UNC5B: variants seen among roughly 807,000 people sequenced by gnomAD.
UNC5B encodes netrin receptor UNC5B.
Under a neutral mutation model 103.7 loss-of-function variants are expected in UNC5B, and 56 were observed. The ratio of observed to expected loss-of-function variants is 0.54; its 90% CI spans 0.44 to 0.67. The LOEUF (loss-of-function observed/expected upper bound fraction) is 0.67, where lower values mean the gene tolerates loss of function less well. UNC5B is among the 30% of genes least tolerant of loss of function. UNC5B has a pLI of 0.00. For synonymous variants in UNC5B, 577 were observed against 542.0 expected (o/e 1.06, Z -0.90); for missense variants, 1,194 against 1,284.5 (o/e 0.93, Z 1.08).
chr10:71,261,372 G>T (rs944649336), intron 1 of UNC5B, among the ~76,000 whole-genome samples: 9 of 152,168 alleles, frequency 5.9e-5, no homozygotes, highest in Non-Finnish European at 1.0e-4. Context: ...TTGGCCAGGT[G>T]GCCGTGCATT....
intron 6 of UNC5B, among the ~76,000 whole-genome samples, 182 bp downstream of exon 6, chr10:71,287,947 G>C (rs1470097276): frequency 6.6e-6 from 1 of 152,184 alleles, no homozygotes; most frequent in Admixed American, 6.5e-5. Flanking sequence ...ATTCTGCCCT[G>C]GGCTGCTGGT....
At chr10:71,227,707 TACAC>T (rs57747777) in intron 1 of UNC5B, among the ~76,000 whole-genome samples, 26,210 of 127,486 alleles carry the variant, frequency 0.21, 2,897 homozygotes, top group Non-Finnish European at 0.27. Flanking sequence ...TACACACATA[TACAC>T]ACACACACAC....
chr10:71,288,416 C>A, intron 6 of UNC5B, 152 bp from the exon 7 acceptor site: 2 of 1,197,394 alleles, frequency 1.7e-6, no homozygotes, highest in Non-Finnish European at 2.3e-6. Context: ...ATGTGGATTT[C>A]TCTGTGTGGC....
At chr10:71,288,859 C>T (rs983770766) in intron 7 of UNC5B, 99 bp from the exon 8 acceptor site, 5 of 1,565,818 alleles carry the variant, frequency 3.2e-6, no homozygotes, top group South Asian at 2.3e-5. Flanking sequence ...TCTGTCCCCC[C>T]ACCACATCCA....
At chr10:71,268,280 CA>C (rs1441876727) in intron 1 of UNC5B, among the ~76,000 whole-genome samples, 2 of 152,276 alleles carry the variant, frequency 1.3e-5, no homozygotes, top group Non-Finnish European at 2.9e-5. Context: ...CTCTCCTTCT[CA>C]TGCCCATTTC....
chr10:71,285,322 C>A lies in UNC5B; in HGVS notation c.449-4C>A, dbSNP rs1845044453. On this transcript the variant is annotated splice_region_variant and splice_polypyrimidine_tract_variant and intron_variant, in intron 3 of 16. Coordinates refer to ENST00000335350, the MANE Select transcript of UNC5B (RefSeq NM_170744.5). ...CTGCCTTGGGACCCTCTCGCTTCTC[C>A]CAGACCTGCGCAAGAACTTCGATCA... 3 of 1,607,616 alleles carry A rather than the reference C, an allele frequency of 1.9e-6. No homozygotes were observed. The highest frequency in any genetic ancestry group is 2.5e-6 in the Non-Finnish European group (3 of 1,177,550).
chr10:71,287,576 G>A (rs748855708), intron 5 of UNC5B, 22 bp from the exon 6 acceptor site: 1 of 1,576,938 alleles, frequency 6.3e-7, no homozygotes, highest in Non-Finnish European at 8.6e-7. Context: ...AAGCCATCCA[G>A]TTGACAGCTG....
intron 1 of UNC5B, among the ~76,000 whole-genome samples, chr10:71,235,189 C>T (rs1003595477): frequency 1.2e-4 from 18 of 152,280 alleles, no homozygotes; most frequent in African/African-American, 4.3e-4. Context: ...TCCTTCTTTC[C>T]AAATCTGTTC....
In UNC5B at chr10:71,293,917, CGCCTGTA is replaced by C; in HGVS notation, c.2162_2168del (p.Pro721HisfsTer2). On this transcript the variant is annotated frameshift_variant, in exon 13 of 17. Transcript: ENST00000335350. LOFTEE classifies it high-confidence loss of function. ...CTCCGGGTCTACTGCCTGGAGGACA[CGCCTGTA>C]GCACTGAAGGTAGGGCCAGCTGCAG... is the stretch of plus-strand genomic sequence containing the variant. 6.2e-7 allele frequency: 1 copy of C among 1,601,846 alleles called. No homozygotes were observed.
At chr10:71,277,216 G>A (rs553260362) in intron 1 of UNC5B, among the ~76,000 whole-genome samples, 6 of 152,380 alleles carry the variant, frequency 3.9e-5, no homozygotes, top group African/African-American at 1.4e-4. Context: ...TGGGGGTGGT[G>A]CGGTTAGAAG....
intron 1 of UNC5B, among the ~76,000 whole-genome samples, chr10:71,258,504 G>T (rs1308471560): frequency 6.6e-6 from 1 of 152,158 alleles, no homozygotes; most frequent in Non-Finnish European, 1.5e-5. Context: ...AGGAAGCCTG[G>T]CCCCTTCCTG....
intron 1 of UNC5B, among the ~76,000 whole-genome samples, chr10:71,270,165 C>T (rs958723208): frequency 6.6e-6 from 1 of 152,028 alleles, no homozygotes; most frequent in Non-Finnish European, 1.5e-5. Context: ...GCCTGGGCAA[C>T]ATGGTGAAAC....
intron 1 of UNC5B, among the ~76,000 whole-genome samples, chr10:71,229,604 C>T (rs145895774): frequency 3.9e-5 from 6 of 152,274 alleles, no homozygotes; most frequent in Non-Finnish European, 7.4e-5. Flanking sequence ...AGCGCTTGCC[C>T]GAGCTCCCGG....
chr10:71,293,255 T>A, intron 11 of UNC5B, 150 bp from the exon 12 acceptor site: 3 of 818,096 alleles, frequency 3.7e-6, no homozygotes, highest in Non-Finnish European at 5.4e-6. Context: ...TTGCCTCCTT[T>A]GCCCCCATGA....
At position 71,277,999 on chromosome 10, in the gene UNC5B, T is replaced by C. The variant is rs889997586; in HGVS notation, c.80-1822T>C. 2.6e-5 allele frequency among the ~76,000 whole-genome samples: 4 copies of C among 152,040 alleles called. No homozygotes were observed. The South Asian group carries it at 6.2e-4, about 24-fold the overall frequency. On this transcript the variant is annotated intron_variant, in intron 1 of 16. Transcript: ENST00000335350. ...TAGATCAATGATAGGTGGTGTGGAG[T>C]CTGGGGCAACAGCCCAAACGCTGAA...
chr10:71,218,361 A>C (rs1294917920), intron 1 of UNC5B: 1 of 152,312 alleles, frequency 6.6e-6, no homozygotes, highest in Non-Finnish European at 1.5e-5. Context: ...ATGTGGAGAC[A>C]GTGAGTCACC....
chr10:71,216,689 C>G (rs898570919), intron 1 of UNC5B, among the ~76,000 whole-genome samples: 1 of 152,228 alleles, frequency 6.6e-6, no homozygotes, highest in Non-Finnish European at 1.5e-5. Flanking sequence ...TCTCCTGGAC[C>G]GCAGGTCTAG....
At chr10:71,287,433 C>A (rs1845117149) in intron 5 of UNC5B, among the ~76,000 whole-genome samples, 165 bp from the exon 6 acceptor site, 1 of 152,104 alleles carries the variant, frequency 6.6e-6, no homozygotes, top group African/African-American at 2.4e-5. Flanking sequence ...ACGGTTACAG[C>A]CCAGCTCTAT....
chr10:71,298,665 GA>G (rs1205249491), intron 16 of UNC5B, among the ~76,000 whole-genome samples: 1 of 152,094 alleles, frequency 6.6e-6, no homozygotes, highest in Non-Finnish European at 1.5e-5. Flanking sequence ...AAATGAATAG[GA>G]CTTACAAAGA....
Sources: gnomAD v4.1 joint callset for allele counts (sites outside exome capture counted in the v4.1 genomes callset) on GRCh38, gnomAD v4.1.1 for gene constraint, MANE v1.5 for transcripts, NCBI Gene and HGNC (gene_info 2026-07-23, HGNC 2026-07-21) for gene names.